Variants in KLF12 observed in about 807,000 individuals in gnomAD.
The protein encoded by KLF12 is Krueppel-like factor 12.
A neutral mutation model predicts 37.8 loss-of-function variants in KLF12; 9 were observed. The observed-to-expected ratio is 0.24, with a 90% CI of 0.14 to 0.42. The LOEUF (loss-of-function observed/expected upper bound fraction) is 0.42, where lower values mean the gene tolerates loss of function less well. Among genes scored for constraint, KLF12 ranks in the 10% least tolerant of loss-of-function variants. The pLI is 1.00. For synonymous variants in KLF12, 208 were observed against 202.1 expected (o/e 1.03, Z -0.25); for missense variants, 411 against 516.0 (o/e 0.80, Z 1.97).
chr13:74,243,162 G>A, the KLF12 span, among the ~76,000 whole-genome samples: 3 of 151,952 alleles, frequency 2.0e-5, no homozygotes, highest in African/African-American at 4.8e-5. Flanking sequence ...GTGTCCATGT[G>A]TTCTCATTGT....
chr13:74,129,774 A>G (rs1287394056), intron 1 of KLF12, among the ~76,000 whole-genome samples: 3 of 152,180 alleles, frequency 2.0e-5, no homozygotes, highest in Admixed American at 2.0e-4. Flanking sequence ...GACCAAAACA[A>G]ATTTTTATGG....
At chr13:74,213,360 C>T in the KLF12 span, among the ~76,000 whole-genome samples, 1 of 152,078 alleles carries the variant, frequency 6.6e-6, no homozygotes, top group Admixed American at 6.6e-5. Flanking sequence ...TTTAATAGCA[C>T]AGTGGTTGCT....
At chr13:73,795,667 A>C (rs7330031) in intron 5 of KLF12, among the ~76,000 whole-genome samples, 26,075 of 152,126 alleles carry the variant, frequency 0.17, 2,978 homozygotes, top group African/African-American at 0.33. Context: ...CAGAAATCTG[A>C]AAAGCACTTA....
At chr13:74,186,194 T>A in the KLF12 span, among the ~76,000 whole-genome samples, 1 of 152,174 alleles carries the variant, frequency 6.6e-6, no homozygotes, top group Admixed American at 6.5e-5. Flanking sequence ...CTAAGAGATT[T>A]TTTTTTCTTA....
In KLF12 at chr13:73,984,100, G is replaced by A. The variant is rs78057420; in HGVS notation, c.33+10890C>T. On this transcript the variant is annotated intron_variant, in intron 2 of 7. Transcript: ENST00000377669. The stretch of plus-strand genomic sequence containing the variant: ...AATCCTCTATAAGATCCTCGGGTGG[G>A]GAGGACAGCAAGCAGGTAGAGCTGC... Among the ~76,000 whole-genome samples the A allele has an allele frequency of 2.6e-5, 4 of 152,132 alleles. No homozygotes were observed. The East Asian group carries it at 5.8e-4, about 22-fold the overall frequency.
chr13:74,079,472 A>T (rs1008287968), intron 1 of KLF12, among the ~76,000 whole-genome samples: 14 of 152,114 alleles, frequency 9.2e-5, no homozygotes, highest in Non-Finnish European at 1.6e-4. Context: ...AAACTATAAA[A>T]CTCTCGATCT....
chr13:73,742,926 C>G (rs1474284201), intron 6 of KLF12, among the ~76,000 whole-genome samples: 1 of 152,040 alleles, frequency 6.6e-6, no homozygotes, highest in Admixed American at 6.6e-5. Context: ...TATGGCTCAG[C>G]CTCCCACTGC....
intron 1 of KLF12, among the ~76,000 whole-genome samples, chr13:74,016,712 CTGTT>C (rs566500683): frequency 5.0e-4 from 76 of 152,266 alleles, no homozygotes; most frequent in African/African-American, 1.8e-3. Context: ...CTTAGGCAAA[CTGTT>C]TGGCAGTGTC....
At chr13:73,967,115 T>G (rs1396766161) in intron 2 of KLF12, among the ~76,000 whole-genome samples, 1 of 152,230 alleles carries the variant, frequency 6.6e-6, no homozygotes, top group East Asian at 1.9e-4. Flanking sequence ...AATGTAACAC[T>G]TCCCAAATCC....
At chr13:73,970,133 T>G (rs1410374945) in intron 2 of KLF12, among the ~76,000 whole-genome samples, 1 of 152,142 alleles carries the variant, frequency 6.6e-6, no homozygotes, top group Non-Finnish European at 1.5e-5. Flanking sequence ...AGTTCATGCT[T>G]TATTTCCAGT....
At chr13:74,134,045 T>A (rs796394490), upstream of KLF12, among the ~76,000 whole-genome samples, 1 of 150,922 alleles carries the variant, frequency 6.6e-6, no homozygotes, top group South Asian at 2.1e-4. Context: ...CCCGGTCTAG[T>A]GTGGGGAGCC....
At chr13:74,094,082 G>A (rs1484413845) in intron 1 of KLF12, among the ~76,000 whole-genome samples, 1 of 152,052 alleles carries the variant, frequency 6.6e-6, no homozygotes, top group African/African-American at 2.4e-5. Flanking sequence ...CATTTCAGAT[G>A]GGCAAAAGTA....
rs148953778 is a variant in KLF12 at position 74,000,163 on chromosome 13, C to G, written c.-31-5110G>C. On this transcript the variant is annotated intron_variant, in intron 1 of 7. Coordinates refer to ENST00000377669, the MANE Select transcript of KLF12 (RefSeq NM_007249.5). ...GAAATGTCACTCCTATTTCTACCCC[C>G]CTACATTTATAATCAAGTGCCCAAA... Among the ~76,000 whole-genome samples, 365 of 152,250 alleles carry G rather than the reference C, an allele frequency of 2.4e-3. 1 individual carries two copies. The highest frequency in any genetic ancestry group is 8.5e-3 in the African/African-American group (351 of 41,534).
At chr13:74,017,715 CTATACATG>C (rs1892734618) in intron 1 of KLF12, among the ~76,000 whole-genome samples, 1 of 151,938 alleles carries the variant, frequency 6.6e-6, no homozygotes, top group Admixed American at 6.6e-5. Flanking sequence ...ACACACACAT[CTATACATG>C]TATATGTATA....
At chr13:74,234,879 A>G in the KLF12 span, among the ~76,000 whole-genome samples, 3 of 152,320 alleles carry the variant, frequency 2.0e-5, no homozygotes, top group East Asian at 1.9e-4. Flanking sequence ...ATAAAAAGGT[A>G]TACATTTACT....
chr13:74,047,928 G>A (rs891064972), intron 1 of KLF12, among the ~76,000 whole-genome samples: 5 of 152,174 alleles, frequency 3.3e-5, no homozygotes, highest in East Asian at 3.8e-4. Flanking sequence ...TCTATTTCTC[G>A]CATTCCAAGT....
chr13:74,204,916 C>T, the KLF12 span, among the ~76,000 whole-genome samples: 3 of 152,232 alleles, frequency 2.0e-5, no homozygotes, highest in East Asian at 5.8e-4. Flanking sequence ...GATCTCAAGA[C>T]TTTTGAGTGT....
the KLF12 span, among the ~76,000 whole-genome samples, chr13:74,212,335 G>A: frequency 6.6e-6 from 1 of 152,152 alleles, no homozygotes; most frequent in Non-Finnish European, 1.5e-5. Context: ...ACTTTTCGGT[G>A]CACATACAAG....
intron 6 of KLF12, among the ~76,000 whole-genome samples, chr13:73,758,569 T>C (rs951602146): frequency 6.6e-6 from 1 of 152,134 alleles, no homozygotes; most frequent in Non-Finnish European, 1.5e-5. Flanking sequence ...ACATGTCTTA[T>C]GGGTTCACAT....
Sources: gnomAD v4.1 joint callset for allele counts (sites outside exome capture counted in the v4.1 genomes callset) on GRCh38, gnomAD v4.1.1 for gene constraint, MANE v1.5 for transcripts, NCBI Gene and HGNC (gene_info 2026-07-23, HGNC 2026-07-21) for gene names.